MYT1L: variants seen among roughly 807,000 people sequenced by gnomAD.
MYT1L encodes the protein myelin transcription factor 1-like protein.
In MYT1L, 12 loss-of-function variants were observed where a neutral mutation model predicts 126.7. The ratio of observed to expected loss-of-function variants is 0.09; its 90% confidence interval spans 0.06 to 0.15. The LOEUF (loss-of-function observed/expected upper bound fraction) is 0.15, where lower values mean the gene tolerates loss of function less well. Ranked by LOEUF, MYT1L falls within the 10% of genes least tolerant of loss-of-function variation. The pLI is 1.00. For synonymous variants in MYT1L, 541 were observed against 604.2 expected, an observed-to-expected ratio of 0.90 and a Z score of 1.53; for missense variants, 979 against 1,585.2, an observed-to-expected ratio of 0.62 and a Z score of 6.49.
chr2:1,966,814 C>T (rs367935723), intron 8 of MYT1L, among the ~76,000 whole-genome samples: 15 of 151,306 alleles, frequency 9.9e-5, no homozygotes, highest in African/African-American at 2.4e-4. Context: ...AAATTTACAT[C>T]GATCATATGA....
chr2:2,208,295 C>A (rs774000963), intron 2 of MYT1L, among the ~76,000 whole-genome samples: 1 of 152,160 alleles, frequency 6.6e-6, no homozygotes, highest in Non-Finnish European at 1.5e-5. Flanking sequence ...TTTTAAAAGT[C>A]ACTTTTTAAA....
At chr2:2,280,750 A>T (rs2095436117) in intron 2 of MYT1L, among the ~76,000 whole-genome samples, 1 of 152,214 alleles carries the variant, frequency 6.6e-6, no homozygotes, top group South Asian at 2.1e-4. Context: ...GGAAGCTTCA[A>T]CCAAACAAAC....
chr2:2,192,126 G>C (rs1248524965), intron 2 of MYT1L, among the ~76,000 whole-genome samples: 1 of 152,210 alleles, frequency 6.6e-6, no homozygotes, highest in Non-Finnish European at 1.5e-5. Flanking sequence ...GTTCTGGTGT[G>C]TACTTTGCCA....
intron 4 of MYT1L, among the ~76,000 whole-genome samples, chr2:2,005,290 G>GCGTGCGTTCTTTCCT (rs2063129755): frequency 6.8e-6 from 1 of 147,242 alleles, no homozygotes; most frequent in African/African-American, 2.5e-5. Context: ...CTTCTTTCCT[G>GCGTGCGTTCTTTCCT]CAGGCGTTCT....
At chr2:2,181,696 C>A (rs185032212) in intron 2 of MYT1L, among the ~76,000 whole-genome samples, 108 of 152,226 alleles carry the variant, frequency 7.1e-4, no homozygotes, top group Non-Finnish European at 1.2e-3. Context: ...TGCTCCCCTG[C>A]TCTCTAAACC....
intron 1 of MYT1L, among the ~76,000 whole-genome samples, chr2:2,291,755 C>G (rs2095603617): frequency 6.6e-6 from 1 of 152,204 alleles, no homozygotes; most frequent in Admixed American, 6.5e-5. Flanking sequence ...CCTGGCTCCC[C>G]GACCCACGCA....
At chr2:1,857,783 C>T (rs1258697781) in intron 18 of MYT1L, among the ~76,000 whole-genome samples, 1 of 152,038 alleles carries the variant, frequency 6.6e-6, no homozygotes, top group Non-Finnish European at 1.5e-5. Context: ...TTCACCTAAA[C>T]AGATCTGGTT....
At chr2:2,240,352 A>C (rs1333053138) in intron 2 of MYT1L, among the ~76,000 whole-genome samples, 1 of 152,158 alleles carries the variant, frequency 6.6e-6, no homozygotes, top group African/African-American at 2.4e-5. Flanking sequence ...CAAGTAAAAT[A>C]TTTTATCCTT....
chr2:2,186,359 G>T (rs892575083), intron 2 of MYT1L, among the ~76,000 whole-genome samples: 2 of 152,216 alleles, frequency 1.3e-5, no homozygotes, highest in Non-Finnish European at 2.9e-5. Context: ...GCCTTCCCGA[G>T]TCCTGCGGTC....
intron 23 of MYT1L, 27 bp from the exon 24 acceptor site, chr2:1,792,491 GT>G: frequency 6.2e-7 from 1 of 1,605,244 alleles, no homozygotes; most frequent in African/African-American, 1.3e-5. Context: ...TGCGTGACAT[GT>G]AACACCAGGA....
At chr2:2,184,025 G>C (rs2148664875) in intron 2 of MYT1L, among the ~76,000 whole-genome samples, 1 of 148,230 alleles carries the variant, frequency 6.7e-6, no homozygotes, top group East Asian at 2.0e-4. Flanking sequence ...GAGAAAGAAA[G>C]ACAGAAAGAG....
At chr2:1,934,307 T>TATATATATATATATATACACAC (rs71276816) in intron 9 of MYT1L, among the ~76,000 whole-genome samples, 1 of 132,126 alleles carries the variant, frequency 7.6e-6, no homozygotes, top group Non-Finnish European at 1.7e-5. Flanking sequence ...TATATATATA[T>TATATATATATATATATACACAC]ACAACCTCAT....
intron 18 of MYT1L, among the ~76,000 whole-genome samples, chr2:1,867,637 C>A (rs2045754152): frequency 6.6e-6 from 1 of 152,102 alleles, no homozygotes; most frequent in South Asian, 2.1e-4. Context: ...GGGTGGGGGA[C>A]CTCGGGGCGC....
intron 18 of MYT1L, among the ~76,000 whole-genome samples, chr2:1,876,591 C>A (rs550863761): frequency 6.6e-6 from 1 of 152,264 alleles, no homozygotes; most frequent in Admixed American, 6.5e-5. Flanking sequence ...CTCCTGGATG[C>A]TGTTCGCCCA....
In MYT1L at chr2:2,228,809, A is replaced by G. The variant is rs2094085565; in HGVS notation, c.-421+55595T>C. On this transcript the variant is annotated intron_variant, in intron 2 of 24. Coordinates refer to ENST00000647738, the MANE Select transcript of MYT1L (RefSeq NM_001303052.2). The surrounding 1 kb of genome is among the most constrained non-coding windows in gnomAD (Gnocchi z 5.9). ...TATTTAGGTTGCTTCTTTTCAAGGT[A>G]ACAGGGAAGTATTGATTATTTGCCC... is the stretch of plus-strand genomic sequence containing the variant. Among the ~76,000 whole-genome samples the G allele has an allele frequency of 6.6e-6, 1 of 152,198 alleles. No individual in the cohort carries two copies. Among genetic ancestry groups the G allele is most frequent in the Non-Finnish European group, 1.5e-5 (1 of 68,030 alleles).
At chr2:2,295,601 G>GAC (rs370647140) in intron 1 of MYT1L, among the ~76,000 whole-genome samples, 63 of 6,208 alleles carry the variant, frequency 0.01, 1 homozygote, top group Admixed American at 0.014. Context: ...GACAGAGAGA[G>GAC]AGACAGACAG....
chr2:1,880,952 T>C (rs2047456100), intron 18 of MYT1L, among the ~76,000 whole-genome samples: 1 of 152,224 alleles, frequency 6.6e-6, no homozygotes, highest in East Asian at 1.9e-4. Context: ...GTTTCAAATA[T>C]TGCTGGAGAA....
At chr2:2,003,840 A>T (rs2062669526) in intron 4 of MYT1L, among the ~76,000 whole-genome samples, 2 of 152,126 alleles carry the variant, frequency 1.3e-5, no homozygotes, top group African/African-American at 4.8e-5. Flanking sequence ...CGGCTGCTTC[A>T]GGCACCCTCA....
At chr2:1,970,695 A>G (rs996352993) in intron 8 of MYT1L, among the ~76,000 whole-genome samples, 2 of 152,172 alleles carry the variant, frequency 1.3e-5, no homozygotes, top group Non-Finnish European at 2.9e-5. Context: ...CAAGATCTCC[A>G]TAGCGGCTGC....
Sources: allele counts gnomAD v4.1 joint callset (sites outside exome capture counted in the v4.1 genomes callset), GRCh38; gene constraint gnomAD v4.1.1; non-coding constraint Gnocchi (gnomAD v3.1); transcripts MANE v1.5; gene names NCBI Gene and HGNC (gene_info 2026-07-23, HGNC 2026-07-21).